Variants in TRIM60 observed in about 807,000 individuals in gnomAD.
TRIM60 encodes the protein tripartite motif containing 60, also known as tripartite motif-containing protein 60.
For synonymous variants in TRIM60, 189 were observed against 195.2 expected (o/e 0.97, Z 0.27); for missense variants, 524 against 540.8 (o/e 0.97, Z 0.31).
chr4:165,040,890 CAA>C lies in TRIM60; in HGVS notation c.821_822del (p.Lys274IlefsTer38), dbSNP rs1195677499. ...CCTGAACTCTTTTCATTTAGATTAA[CAA>C]AATATGGTTTCAGTCTTCCTCCTCA... On this transcript the variant is annotated frameshift_variant, in exon 3 of 3. Transcript: ENST00000512596. LOFTEE classifies it low-confidence loss of function (END_TRUNC). The C allele has an allele frequency of 6.2e-7, 1 of 1,612,564 alleles. No individual in the cohort carries two copies. Among genetic ancestry groups the C allele is most frequent in the African/African-American group, 1.3e-5 (1 of 74,856 alleles).
At chr4:165,038,813 C>T (rs140696486) in intron 1 of TRIM60, among the ~76,000 whole-genome samples, 211 of 152,070 alleles carry the variant, frequency 1.4e-3, no homozygotes, top group African/African-American at 4.9e-3. Context: ...GTGGCTCACA[C>T]CTGTAATTCC....
Position 165,041,260 on chromosome 4 carries a change from T to C in TRIM60, c.1188T>C (p.Tyr396=), listed in dbSNP as rs1219801154. 6.2e-7 allele frequency: 1 copy of C among 1,614,222 alleles called. No individual in the cohort carries two copies. The highest frequency in any genetic ancestry group is 1.1e-5 in the South Asian group (1 of 91,082). ...TTGGGCGATACATGAAGAGTGGTTA[T>C]GTTGCGTCAGGTCCTAAGACAACCC... ...WAIGRYMKSG[Y]VASGPKTTQL... Residue 396 remains tyrosine, a synonymous_variant, in exon 3 of 3, where the codon TAT becomes TAC. Coordinates refer to ENST00000512596, the MANE Select transcript of TRIM60 (RefSeq NM_152620.3).
intron 1 of TRIM60, among the ~76,000 whole-genome samples, chr4:165,035,904 G>T (rs1174142076): frequency 6.6e-6 from 1 of 152,024 alleles, no homozygotes; most frequent in Admixed American, 6.6e-5. Context: ...TGTATTTTTA[G>T]TAGAGACAGG....
Position 165,040,229 on chromosome 4 carries a change from T to C in TRIM60, c.157T>C (p.Cys53Arg). 2 of 1,614,220 alleles carry C rather than the reference T, an allele frequency of 1.2e-6. No homozygotes were observed. The highest frequency in any genetic ancestry group is 1.3e-5 in the African/African-American group (1 of 75,050). The change falls in exon 3 of 3, where the codon TGT (cysteine) becomes CGT (arginine). Residue 53 changes from cysteine (C) to arginine (R), a missense_variant. Physicochemically the swap from Cys to Arg is radical, Grantham distance 180 (BLOSUM62 -3). Coordinates refer to ENST00000512596, the MANE Select transcript of TRIM60 (RefSeq NM_152620.3). ...GAAGGATCTAGATGATACCTTTCCCTGTCCTGTCTGCCGTTTTTGCTTTCC... is the reference window on the plus strand; with the variant it reads ...GAAGGATCTAGATGATACCTTTCCCCGTCCTGTCTGCCGTTTTTGCTTTCC... ...SWKDLDDTFP[C>R]PVCRFCFPYK...
At chr4:165,032,919 G>A (rs905728931) in intron 1 of TRIM60, among the ~76,000 whole-genome samples, 5 of 151,990 alleles carry the variant, frequency 3.3e-5, no homozygotes, top group Admixed American at 6.6e-5. Context: ...AGGCGCGGTG[G>A]CTCACACCTG....
chr4:165,035,174 C>T (rs528673001), intron 1 of TRIM60, among the ~76,000 whole-genome samples: 1 of 152,278 alleles, frequency 6.6e-6, no homozygotes, highest in Admixed American at 6.5e-5. Flanking sequence ...AAGGAATCCT[C>T]TCACCCCAGC....
Position 165,041,427 on chromosome 4 carries a change from T to C in TRIM60, c.1355T>C (p.Phe452Ser). The C allele has an allele frequency of 3.7e-6, 6 of 1,610,472 alleles. No homozygotes were observed. The highest frequency in any genetic ancestry group is 5.1e-6 in the Non-Finnish European group (6 of 1,177,998). ...DCFTEAVWPYFYTGTDSEPLK... is the reference protein window; with the variant it reads ...DCFTEAVWPYSYTGTDSEPLK... ...TTCACAGAAGCCGTTTGGCCTTATT[T>C]CTATACTGGAACAGATTCCGAACCT... Residue 452 changes from phenylalanine to serine, a missense_variant, in exon 3 of 3, where the codon TTC (phenylalanine) becomes TCC (serine). Transcript: ENST00000512596.
At chr4:165,033,410 TC>T (rs1733551748) in intron 1 of TRIM60, among the ~76,000 whole-genome samples, 1 of 152,192 alleles carries the variant, frequency 6.6e-6, no homozygotes, top group African/African-American at 2.4e-5. Context: ...AACTGTACTC[TC>T]CAGTGTCCTT....
chr4:165,033,955 T>C (rs535887397), intron 1 of TRIM60, among the ~76,000 whole-genome samples: 1 of 152,144 alleles, frequency 6.6e-6, no homozygotes, highest in African/African-American at 2.4e-5. Flanking sequence ...TCTTCAGGTA[T>C]CAGAAGATAG....
In TRIM60 at chr4:165,040,877, T is replaced by C. The variant is rs759300600; in HGVS notation, c.805T>C (p.Ser269Pro). 13 of 1,612,656 alleles carry C rather than the reference T, an allele frequency of 8.1e-6. No homozygotes were observed. The highest frequency in any genetic ancestry group is 1.1e-5 in the Non-Finnish European group (13 of 1,179,308). The change falls in exon 3 of 3, where the codon TCA becomes CCA. Residue 269 changes from serine to proline, a missense_variant. Transcript: ENST00000512596. Reference sequence around the variant, plus strand: ...AAACCTAAAATGCCCTGAACTCTTTTCATTTAGATTAACAAAATATGGTTT... The same window carrying C: ...AAACCTAAAATGCCCTGAACTCTTTCCATTTAGATTAACAAAATATGGTTT... ...YQNLKCPELF[S>P]FRLTKYGFSL...
chr4:165,038,259 T>C (rs1402773733), intron 1 of TRIM60, among the ~76,000 whole-genome samples: 2 of 152,240 alleles, frequency 1.3e-5, no homozygotes, highest in African/African-American at 2.4e-5. Context: ...CTAACTTTGA[T>C]GTATTACTAA....
At chr4:165,039,303 G>A (rs1433951317) in intron 2 of TRIM60, 51 bp downstream of exon 2, 2 of 151,914 alleles carry the variant, frequency 1.3e-5, no homozygotes, top group Non-Finnish European at 2.9e-5. Flanking sequence ...GTAAAATTTT[G>A]AGAATGTGAA....
At chr4:165,038,836 AG>A (rs1733683046) in intron 1 of TRIM60, among the ~76,000 whole-genome samples, 2 of 151,744 alleles carry the variant, frequency 1.3e-5, no homozygotes, top group African/African-American at 4.8e-5. Context: ...CACTTTGGGG[AG>A]GCCAAGGAGG....
chr4:165,037,819 T>C (rs1281174730), intron 1 of TRIM60, among the ~76,000 whole-genome samples: 3 of 152,206 alleles, frequency 2.0e-5, no homozygotes, highest in Non-Finnish European at 2.9e-5. Flanking sequence ...TTTTGTAACA[T>C]TGACATTATT....
chr4:165,032,575 T>C (rs1239343120), intron 1 of TRIM60, among the ~76,000 whole-genome samples: 1 of 152,154 alleles, frequency 6.6e-6, no homozygotes, highest in African/African-American at 2.4e-5. Flanking sequence ...GCGGAGGCAG[T>C]GGGACCCCGA....
chr4:165,034,158 T>C (rs1444650461), intron 1 of TRIM60, among the ~76,000 whole-genome samples: 1 of 79,774 alleles, frequency 1.3e-5, no homozygotes, highest in African/African-American at 9.2e-5. Context: ...GAAATACACT[T>C]TTTTTTTTTT....
At position 165,040,863 on chromosome 4, in the gene TRIM60, G is replaced by A; in HGVS notation, c.791G>A (p.Cys264Tyr). 1 of 1,613,302 alleles carries A rather than the reference G, an allele frequency of 6.2e-7. No homozygotes were observed. Among genetic ancestry groups the A allele is most frequent in the Non-Finnish European group, 8.5e-7 (1 of 1,179,684 alleles). The change falls in exon 3 of 3, where the codon TGC becomes TAC. Residue 264 changes from cysteine to tyrosine, a missense_variant. Cys to Tyr is a radical substitution (Grantham distance 194). Transcript: ENST00000512596. Reference sequence around the variant, plus strand: ...CACCACAAGTATCAAAACCTAAAATGCCCTGAACTCTTTTCATTTAGATTA... The same window carrying A: ...CACCACAAGTATCAAAACCTAAAATACCCTGAACTCTTTTCATTTAGATTA... Reference protein sequence around the residue: ...SMHHKYQNLKCPELFSFRLTK... With the variant: ...SMHHKYQNLKYPELFSFRLTK...
In TRIM60 at chr4:165,041,297, G is replaced by A. The variant is rs199775915; in HGVS notation, c.1225G>A (p.Val409Ile). ...SGPKTTQLLPVVKPSKIGIFL... is the reference protein window; with the variant it reads ...SGPKTTQLLPIVKPSKIGIFL... ...TCCTAAGACAACCCAGCTTCTGCCAGTAGTAAAACCCAGTAAAATTGGTAT... is the reference window on the plus strand; with the variant it reads ...TCCTAAGACAACCCAGCTTCTGCCAATAGTAAAACCCAGTAAAATTGGTAT... Residue 409 changes from valine to isoleucine, a missense_variant, in exon 3 of 3, where the codon GTA (valine) becomes ATA (isoleucine). Coordinates refer to ENST00000512596, the MANE Select transcript of TRIM60 (RefSeq NM_152620.3). The A allele has an allele frequency of 9.3e-6, 15 of 1,614,194 alleles. No homozygotes were observed. The highest frequency in any genetic ancestry group is 1.3e-5 in the African/African-American group (1 of 75,044).
chr4:165,033,079 A>G (rs1318932123), intron 1 of TRIM60, among the ~76,000 whole-genome samples: 1 of 151,264 alleles, frequency 6.6e-6, no homozygotes, highest in Non-Finnish European at 1.5e-5. Context: ...GGTCCCAGCT[A>G]CTCGGGAGGC....
Sources: gnomAD v4.1 joint callset for allele counts (sites outside exome capture counted in the v4.1 genomes callset) on GRCh38, gnomAD v4.1.1 for gene constraint, MANE v1.5 for transcripts, NCBI Gene and HGNC (gene_info 2026-07-23, HGNC 2026-07-21) for gene names.